Variants in SEL1L2 observed in about 807,000 individuals in gnomAD.
SEL1L2 encodes SEL1L2 adaptor subunit of SYVN1 ubiquitin ligase.
SEL1L2 carries 89 observed loss-of-function variants against 98.8 expected under a neutral mutation model. The ratio of observed to expected loss-of-function variants is 0.90; its 90% CI spans 0.76 to 1.07. The LOEUF (loss-of-function observed/expected upper bound fraction) is 1.07. SEL1L2 is among the 50% of genes least tolerant of loss of function. The pLI is 0.00. For synonymous variants in SEL1L2, 262 were observed against 278.5 expected (o/e 0.94, Z 0.59); for missense variants, 788 against 812.0 (o/e 0.97, Z 0.36).
intron 2 of SEL1L2, among the ~76,000 whole-genome samples, chr20:13,942,564 G>C (rs555904412): frequency 6.6e-6 from 1 of 152,126 alleles, no homozygotes; most frequent in Non-Finnish European, 1.5e-5. Context: ...AAGAACCCCT[G>C]CCCTAGGTAA....
At chr20:13,882,847 C>T (rs2046774792) in intron 10 of SEL1L2, among the ~76,000 whole-genome samples, 1 of 124,756 alleles carries the variant, frequency 8.0e-6, no homozygotes, top group African/African-American at 3.0e-5. Context: ...GACGGAGTCT[C>T]GCTCTGTCGC....
At chr20:13,939,057 T>TTTTTTTTTTTTTTTTTTTTG in intron 2 of SEL1L2, among the ~76,000 whole-genome samples, 1 of 144,614 alleles carries the variant, frequency 6.9e-6, no homozygotes, top group Admixed American at 6.9e-5. Flanking sequence ...TTTTTTTTTT[T>TTTTTTTTTTTTTTTTTTTTG]TTCTGAGATG....
intron 1 of SEL1L2, chr20:13,973,230 C>T (rs951829916): frequency 1.3e-5 from 2 of 152,108 alleles, no homozygotes; most frequent in African/African-American, 4.8e-5. Context: ...TCATTAAAAC[C>T]TGTTCTTGTT....
intron 2 of SEL1L2, among the ~76,000 whole-genome samples, chr20:13,936,088 G>T (rs1354679467): frequency 6.6e-6 from 1 of 152,222 alleles, no homozygotes; most frequent in Admixed American, 6.5e-5. Flanking sequence ...GCTGTGTTTT[G>T]ATAGTCTCTG....
At chr20:13,926,280 A>C (rs369095466) in intron 3 of SEL1L2, among the ~76,000 whole-genome samples, 1 of 152,148 alleles carries the variant, frequency 6.6e-6, no homozygotes, top group Non-Finnish European at 1.5e-5. Flanking sequence ...GCGCCACTGC[A>C]CTCCAGCCTG....
chr20:13,990,397 T>C (rs1411687290), intron 1 of SEL1L2, 80 bp downstream of exon 1: 4 of 953,630 alleles, frequency 4.2e-6, no homozygotes, highest in Non-Finnish European at 6.7e-6. Context: ...TTCTAGTCTT[T>C]TAATTGGCTT....
intron 1 of SEL1L2, among the ~76,000 whole-genome samples, chr20:13,974,540 A>G (rs1016458021): frequency 7.9e-6 from 1 of 126,512 alleles, no homozygotes; most frequent in African/African-American, 3.1e-5. Flanking sequence ...GTGCAGTGGC[A>G]TGATCCTGGC....
intron 1 of SEL1L2, among the ~76,000 whole-genome samples, chr20:13,972,027 G>T (rs2051306804): frequency 6.6e-6 from 1 of 151,974 alleles, no homozygotes; most frequent in African/African-American, 2.4e-5. Flanking sequence ...CTATCTGGTT[G>T]AGCAGGAACT....
At chr20:13,879,188 C>T (rs941903585) in intron 10 of SEL1L2, among the ~76,000 whole-genome samples, 29 of 152,100 alleles carry the variant, frequency 1.9e-4, no homozygotes, top group African/African-American at 6.5e-4. Flanking sequence ...GGGGAAGAAC[C>T]TGAGCAAACG....
intron 1 of SEL1L2, among the ~76,000 whole-genome samples, chr20:13,979,036 G>C (rs547432333): frequency 6.6e-6 from 1 of 152,194 alleles, no homozygotes; most frequent in East Asian, 1.9e-4. Context: ...CTCTAGACTG[G>C]GCAACAGAGT....
At chr20:13,858,215 C>T (rs1989472224) in intron 18 of SEL1L2, among the ~76,000 whole-genome samples, 1 of 152,158 alleles carries the variant, frequency 6.6e-6, no homozygotes, top group South Asian at 2.1e-4. Flanking sequence ...ATAGGAAATT[C>T]CCTACCAATA....
At chr20:13,895,234 C>T (rs564128181) in intron 5 of SEL1L2, among the ~76,000 whole-genome samples, 7 of 152,094 alleles carry the variant, frequency 4.6e-5, no homozygotes, top group South Asian at 4.2e-4. Context: ...CATGAGCTCA[C>T]GAGTTTGAGA....
intron 5 of SEL1L2, among the ~76,000 whole-genome samples, chr20:13,908,624 T>C (rs1197383708): frequency 1.3e-5 from 2 of 152,248 alleles, no homozygotes; most frequent in Admixed American, 6.5e-5. Context: ...CAGTATTTTA[T>C]AGGACATCTT....
chr20:13,975,001 A>C (rs564239536), intron 1 of SEL1L2, among the ~76,000 whole-genome samples: 84 of 152,224 alleles, frequency 5.5e-4, no homozygotes, highest in African/African-American at 2.0e-3. Flanking sequence ...CATTTTATCC[A>C]ATCTCAGAAT....
intron 9 of SEL1L2, 110 bp from the exon 10 acceptor site, chr20:13,885,513 ATGTCCTG>A: frequency 1.3e-6 from 1 of 750,136 alleles, no homozygotes; most frequent in Admixed American, 1.8e-5. Context: ...CACGTTTGAA[ATGTCCTG>A]AAAAAATCAG....
intron 11 of SEL1L2, among the ~76,000 whole-genome samples, chr20:13,876,406 CTTTT>C (rs11087067): frequency 2.6e-4 from 27 of 101,914 alleles, no homozygotes; most frequent in Non-Finnish European, 4.2e-4. Flanking sequence ...CTCTCTCTCT[CTTTT>C]TTTTTTTTTT....
At position 13,887,971 on chromosome 20, in the gene SEL1L2, C is replaced by T; in HGVS notation, c.634G>A (p.Gly212Arg). Residue 212 changes from glycine (G) to arginine (R), a missense_variant, in exon 7 of 20, where the codon GGA (glycine) becomes AGA (arginine). By Grantham distance (125) the Gly-to-Arg change is moderately radical. Coordinates refer to ENST00000284951, the MANE Select transcript of SEL1L2 (RefSeq NM_025229.2). Reference sequence around the variant, plus strand: ...ATCATCTGGGACATCATGTTTCCTCCAGCACTTCCAAAGGTGTAATATATC... The same window carrying T: ...ATCATCTGGGACATCATGTTTCCTCTAGCACTTCCAAAGGTGTAATATATC... ...ALIYYTFGSA[G>R]GNMMSQMILG... The T allele has an allele frequency of 3.1e-6, 5 of 1,613,698 alleles. No homozygotes were observed. Among genetic ancestry groups the T allele is most frequent in the Non-Finnish European group, 4.2e-6 (5 of 1,179,844 alleles).
chr20:13,881,851 T>C (rs2046716649), intron 10 of SEL1L2, among the ~76,000 whole-genome samples: 1 of 152,214 alleles, frequency 6.6e-6, no homozygotes, highest in Non-Finnish European at 1.5e-5. Flanking sequence ...GCTCAAGTGG[T>C]GGTCTTCAGG....
At chr20:13,862,034 T>G (rs1479288477) in intron 17 of SEL1L2, among the ~76,000 whole-genome samples, 2 of 152,194 alleles carry the variant, frequency 1.3e-5, no homozygotes, top group African/African-American at 4.8e-5. Flanking sequence ...TAGTTTATTT[T>G]CTCTCTTCCA....
Sources: gnomAD v4.1 joint callset for allele counts (sites outside exome capture counted in the v4.1 genomes callset) on GRCh38, gnomAD v4.1.1 for gene constraint, MANE v1.5 for transcripts, NCBI Gene and HGNC (gene_info 2026-07-23, HGNC 2026-07-21) for gene names.